EPAS1: variants seen among roughly 807,000 people sequenced by gnomAD.
EPAS1 encodes endothelial PAS domain protein 1.
Under a neutral mutation model 87.9 loss-of-function variants are expected in EPAS1, and 23 were observed. The observed-to-expected ratio is 0.26, with a 90% CI of 0.19 to 0.37. The LOEUF (loss-of-function observed/expected upper bound fraction) is 0.37, where lower values mean the gene tolerates loss of function less well. EPAS1 is among the 10% of genes least tolerant of loss of function. EPAS1 has a pLI of 1.00. For synonymous variants in EPAS1, 508 were observed against 444.3 expected (o/e 1.14, Z -1.80); for missense variants, 1,138 against 1,120.7 (o/e 1.02, Z -0.22).
At chr2:46,305,085 A>C (rs1683082439) in intron 1 of EPAS1, among the ~76,000 whole-genome samples, 1 of 152,198 alleles carries the variant, frequency 6.6e-6, no homozygotes, top group South Asian at 2.1e-4. Flanking sequence ...TGTGCATCAC[A>C]GTCGATGTGG....
At chr2:46,343,786 G>A (rs979545475) in intron 1 of EPAS1, among the ~76,000 whole-genome samples, 3 of 152,240 alleles carry the variant, frequency 2.0e-5, no homozygotes, top group Admixed American at 6.5e-5. Flanking sequence ...CAGTTAAGCA[G>A]TGAAAAGAGT....
At chr2:46,320,403 A>T (rs1443767372) in intron 1 of EPAS1, among the ~76,000 whole-genome samples, 1 of 152,226 alleles carries the variant, frequency 6.6e-6, no homozygotes, top group African/African-American at 2.4e-5. Flanking sequence ...TGTACAATGC[A>T]CATGGAGCAG....
intron 1 of EPAS1, among the ~76,000 whole-genome samples, chr2:46,315,473 A>G (rs542284183): frequency 6.6e-6 from 1 of 152,160 alleles, no homozygotes; most frequent in Non-Finnish European, 1.5e-5. Context: ...CAAGTTCTGG[A>G]TGGCTGCCCA....
At chr2:46,369,292 A>G (rs1397554966) in intron 6 of EPAS1, among the ~76,000 whole-genome samples, 1 of 152,164 alleles carries the variant, frequency 6.6e-6, no homozygotes, top group African/African-American at 2.4e-5. Context: ...ACTCCCTCTC[A>G]CGTGCTGGTT....
intron 1 of EPAS1, among the ~76,000 whole-genome samples, chr2:46,341,661 A>G (rs1683916509): frequency 1.3e-5 from 2 of 152,206 alleles, no homozygotes; most frequent in South Asian, 4.1e-4. Context: ...TGCATGGTAG[A>G]GGGAAAGAGT....
chr2:46,329,560 G>C (rs188317896), intron 1 of EPAS1, among the ~76,000 whole-genome samples: 1 of 152,016 alleles, frequency 6.6e-6, no homozygotes, highest in Non-Finnish European at 1.5e-5. Flanking sequence ...GTGGTGGCTC[G>C]CGCCTGTAAT....
intron 2 of EPAS1, among the ~76,000 whole-genome samples, chr2:46,350,917 G>A (rs1327243130): frequency 6.6e-6 from 1 of 152,162 alleles, no homozygotes; most frequent in Non-Finnish European, 1.5e-5. Flanking sequence ...GACTACTAAG[G>A]GAAGGATATT....
intron 6 of EPAS1, among the ~76,000 whole-genome samples, chr2:46,365,411 C>A (rs1181272125): frequency 1.3e-5 from 2 of 152,142 alleles, no homozygotes; most frequent in Non-Finnish European, 2.9e-5. Flanking sequence ...ATTCCAAGTT[C>A]TGTGGATAAA....
Position 46,375,980 on chromosome 2 carries a change from C to G in EPAS1, c.1034+143C>G, listed in dbSNP as rs952877970. On this transcript the variant is annotated intron_variant, in intron 8 of 15. Transcript: ENST00000263734. This position sits in a 1 kb window ranked among gnomAD's most constrained non-coding sequence, Gnocchi z 4.1. ...TCAGGGAGGTCTTGCAGGGCTAACCCTAGTGACTGAGAGGACTTCCTGTGG... is the reference window on the plus strand; with the variant it reads ...TCAGGGAGGTCTTGCAGGGCTAACCGTAGTGACTGAGAGGACTTCCTGTGG... 1 of 1,124,466 alleles carries G rather than the reference C, an allele frequency of 8.9e-7. No homozygotes were observed. The allele number at this position is 1,124,466 out of a possible 1,614,324, so 69.7% of individuals were successfully genotyped here. A position where few individuals can be genotyped will look rare whatever the true frequency, so the allele number is the denominator to read the frequency against.
rs1256668837 is a variant in EPAS1, at chr2:46,371,327, C to T, written c.886+1394C>T. 2.0e-5 allele frequency among the ~76,000 whole-genome samples: 3 copies of T among 152,188 alleles called. No individual in the cohort carries two copies. Among genetic ancestry groups the T allele is most frequent in the African/African-American group, 7.2e-5 (3 of 41,434 alleles). On this transcript the variant is annotated intron_variant, in intron 7 of 15. Coordinates refer to ENST00000263734, the MANE Select transcript of EPAS1 (RefSeq NM_001430.5). This position sits in a 1 kb window ranked among gnomAD's most constrained non-coding sequence, Gnocchi z 4.3. ...AAGCTGTATGTGAACATGGTTAACCCACTCTTAAGGAGTGAGATCTTTCTT... is the reference window on the plus strand; with the variant it reads ...AAGCTGTATGTGAACATGGTTAACCTACTCTTAAGGAGTGAGATCTTTCTT...
Position 46,381,959 on chromosome 2 carries a change from C to T in EPAS1, c.2173-16C>T, listed in dbSNP as rs755195044. ...TCTGGCCATTTCCCCTTTCCATCTG[C>T]CCTTCTTACTCCCAGGGGGACCCAC... On this transcript the variant is annotated splice_polypyrimidine_tract_variant and intron_variant, in intron 13 of 15. Transcript: ENST00000263734. 6.5e-7 allele frequency: 1 copy of T among 1,532,534 alleles called. No individual in the cohort carries two copies. The highest frequency in any genetic ancestry group is 8.9e-7 in the Non-Finnish European group (1 of 1,127,760). The allele number at this position is 1,532,534 out of a possible 1,614,324, so 94.9% of individuals were successfully genotyped here. A position where few individuals can be genotyped will look rare whatever the true frequency, so the allele number is the denominator to read the frequency against.
rs137864700 is a variant in EPAS1 at position 46,326,811 on chromosome 2, T to C, written c.27-20062T>C. ...TCAAGACAGGAGATAGTAAATACCCTGATATGGAAATAGGGAAAATGGTTC... is the reference window on the plus strand; with the variant it reads ...TCAAGACAGGAGATAGTAAATACCCCGATATGGAAATAGGGAAAATGGTTC... On this transcript the variant is annotated intron_variant, in intron 1 of 15. Coordinates refer to ENST00000263734, the MANE Select transcript of EPAS1 (RefSeq NM_001430.5). 2.7e-3 allele frequency among the ~76,000 whole-genome samples: 414 copies of C among 152,186 alleles called. 2 individuals are homozygous for C. The highest frequency in any genetic ancestry group is 9.4e-3 in the African/African-American group (391 of 41,504).
rs147672406 is a variant in EPAS1 at position 46,382,550 on chromosome 2, G to A, written c.2413G>A (p.Ala805Thr). The A allele has an allele frequency of 3.0e-5, 49 of 1,614,000 alleles. No individual in the cohort carries two copies. The highest frequency in any genetic ancestry group is 1.3e-4 in the African/African-American group (10 of 74,908). Residue 805 changes from alanine to threonine, a missense_variant, in exon 15 of 16, where the codon GCC (alanine) becomes ACC (threonine). Around this residue, in one of 4 missense-constraint regions of EPAS1, gnomAD observed 502 missense variants for 427.1 expected, o/e 1.18. Coordinates refer to ENST00000263734, the MANE Select transcript of EPAS1 (RefSeq NM_001430.5). ...GAGCAGGTTCCCCCCACAGTGCTAC[G>A]CCACCCAGTACCAGGACTACAGCCT... ...SKSRFPPQCY[A>T]TQYQDYSLSS...
intron 4 of EPAS1, 143 bp downstream of exon 4, chr2:46,356,951 C>T (rs17035050): frequency 5.8e-6 from 4 of 688,146 alleles, no homozygotes; most frequent in Non-Finnish European, 5.3e-6. Context: ...AGTATGTAGC[C>T]TGTGAGATGA....
At chr2:46,303,570 G>C (rs950226782) in intron 1 of EPAS1, among the ~76,000 whole-genome samples, 3 of 152,326 alleles carry the variant, frequency 2.0e-5, no homozygotes, top group Non-Finnish European at 4.4e-5. Context: ...AGTGGAGACA[G>C]CTATGACTCC....
intron 2 of EPAS1, among the ~76,000 whole-genome samples, chr2:46,355,113 C>A (rs1558599636): frequency 6.6e-6 from 1 of 152,214 alleles, no homozygotes; most frequent in Non-Finnish European, 1.5e-5. Flanking sequence ...CACCCTTGAA[C>A]TTTTATTTAG....
At chr2:46,356,373 C>T in intron 3 of EPAS1, 71 bp downstream of exon 3, 6 of 1,586,704 alleles carry the variant, frequency 3.8e-6, no homozygotes, top group Non-Finnish European at 8.6e-7. Flanking sequence ...GTGGAAGGTG[C>T]TAGCCACAAT....
At chr2:46,333,065 C>T (rs960143515) in intron 1 of EPAS1, among the ~76,000 whole-genome samples, 1 of 152,176 alleles carries the variant, frequency 6.6e-6, no homozygotes, top group African/African-American at 2.4e-5. Context: ...CCTTAGTATA[C>T]AGGGATTTGT....
chr2:46,373,071 C>T lies in EPAS1; in HGVS notation c.887-2619C>T, dbSNP rs111348990. Among the ~76,000 whole-genome samples, 441 of 152,308 alleles carry T rather than the reference C, an allele frequency of 2.9e-3. 1 individual carries two copies. The highest frequency in any genetic ancestry group is 0.01 in the African/African-American group (426 of 41,570). ...GAGCCACCAGACATGTTGTGTAGCT[C>T]AGACTCTGTCACTATTGTCTTGTAA... On this transcript the variant is annotated intron_variant, in intron 7 of 15. Transcript: ENST00000263734.
Sources: allele counts gnomAD v4.1 joint callset (sites outside exome capture counted in the v4.1 genomes callset), GRCh38; gene constraint gnomAD v4.1.1; regional missense constraint gnomAD v4.1.1; non-coding constraint Gnocchi (gnomAD v3.1); transcripts MANE v1.5; gene names NCBI Gene and HGNC (gene_info 2026-07-23, HGNC 2026-07-21).